The following HSPA12A variants were observed in gnomAD, a reference collection of about 807,000 sequenced individuals.
HSPA12A encodes the protein heat shock 70 kDa protein 12A.
HSPA12A carries 28 observed loss-of-function variants against 69.2 expected under a neutral mutation model. The observed-to-expected ratio is 0.40, with a 90% CI of 0.30 to 0.55. The LOEUF (loss-of-function observed/expected upper bound fraction) is 0.55, where lower values mean the gene tolerates loss of function less well. HSPA12A is among the 20% of genes least tolerant of loss of function. HSPA12A has a pLI of 0.38. For synonymous variants in HSPA12A, 345 were observed against 370.5 expected, an observed-to-expected ratio of 0.93 and a Z score of 0.79; for missense variants, 686 against 900.7, an observed-to-expected ratio of 0.76 and a Z score of 3.05.
intron 5 of HSPA12A, among the ~76,000 whole-genome samples, chr10:116,695,191 A>G (rs1270130550): frequency 6.6e-6 from 1 of 151,800 alleles, no homozygotes; most frequent in Non-Finnish European, 1.5e-5. Flanking sequence ...AACTGCCTCC[A>G]CACCACCGAC....
chr10:116,675,117 G>A lies in HSPA12A; in HGVS notation c.1692C>T (p.Cys564=). Residue 564 remains cysteine (C), a synonymous_variant, in exon 12 of 12, where the codon TGC becomes TGT. Transcript: ENST00000369209. This position sits in a 1 kb window ranked among gnomAD's most constrained non-coding sequence, Gnocchi z 5.2. ...AGATGAACTTGTCAAAGACGTCGGT[G>A]CACCACCGAGTGCCATCCTTCACCA... is the stretch of plus-strand genomic sequence containing the variant. ...KLLVKDGTRW[C]TDVFDKFISA... is the part of the protein sequence containing the mutation. 1 of 1,613,968 alleles carries A rather than the reference G, an allele frequency of 6.2e-7. No homozygotes were observed. Among genetic ancestry groups the A allele is most frequent in the Non-Finnish European group, 8.5e-7 (1 of 1,180,022 alleles).
intron 1 of HSPA12A, among the ~76,000 whole-genome samples, chr10:116,848,994 T>G: frequency 6.6e-6 from 1 of 152,132 alleles, no homozygotes; most frequent in East Asian, 1.9e-4. Context: ...TTAATAAACA[T>G]GAGCCGAATG....
rs1296250017 is a variant in HSPA12A at position 116,672,531 on chromosome 10, A to G, written c.*2250T>C. The G allele has an allele frequency of 6.6e-6, 1 of 152,404 alleles. No individual in the cohort carries two copies. The highest frequency in any genetic ancestry group is 1.5e-5 in the Non-Finnish European group (1 of 68,044). The allele number at this position is 152,404 out of a possible 1,614,324, so 9.4% of individuals were successfully genotyped here. A position where few individuals can be genotyped will look rare whatever the true frequency, so the allele number is the denominator to read the frequency against. Reference sequence around the variant, plus strand: ...CTGTCTATTGCTCGGTCTTGCGTACATAGTCCATAGCTTGGCATCAGCACA... The same window carrying G: ...CTGTCTATTGCTCGGTCTTGCGTACGTAGTCCATAGCTTGGCATCAGCACA... On this transcript the variant is annotated 3_prime_UTR_variant, in exon 12 of 12. Coordinates refer to ENST00000369209, the MANE Select transcript of HSPA12A (RefSeq NM_025015.3).
rs148247863 is a variant in HSPA12A, at chr10:116,774,304, C to T, written c.91+60631G>A. On this transcript the variant is annotated intron_variant, in intron 2 of 12. Coordinates refer to the HSPA12A transcript ENST00000635765. ...GATTACAGGCGTGAGCCACCGCGCC[C>T]GGCCGGCAAGGGCTTTTTTGAAATA... Among the ~76,000 whole-genome samples the T allele has an allele frequency of 4.9e-3, 751 of 152,246 alleles. 5 individuals are homozygous for T. The highest frequency in any genetic ancestry group is 0.017 in the African/African-American group (713 of 41,566).
At chr10:116,817,099 TC>T (rs1297891259) in intron 2 of HSPA12A, among the ~76,000 whole-genome samples, 4 of 152,254 alleles carry the variant, frequency 2.6e-5, no homozygotes, top group South Asian at 4.1e-4. Flanking sequence ...CTATACCCCT[TC>T]CCCCACCCCA....
intron 1 of HSPA12A, among the ~76,000 whole-genome samples, chr10:116,740,676 CTGTGTGTGTGT>C (rs1851468694): frequency 1.1e-5 from 1 of 92,164 alleles, no homozygotes; most frequent in Non-Finnish European, 2.4e-5. Context: ...GTGTGTGTGT[CTGTGTGTGTGT>C]GTGTGTGTGC....
At chr10:116,846,475 G>C (rs956516911) in intron 1 of HSPA12A, among the ~76,000 whole-genome samples, 1 of 151,606 alleles carries the variant, frequency 6.6e-6, no homozygotes. Context: ...TCAGCCTCCC[G>C]AGTAGCTGGG....
chr10:116,782,264 T>C (rs1401329709), intron 2 of HSPA12A, among the ~76,000 whole-genome samples: 3 of 152,186 alleles, frequency 2.0e-5, no homozygotes, highest in Non-Finnish European at 4.4e-5. Context: ...ACCGGGGATC[T>C]TTACACAAAG....
chr10:116,716,544 C>T (rs1850611218), intron 1 of HSPA12A, among the ~76,000 whole-genome samples: 1 of 152,110 alleles, frequency 6.6e-6, no homozygotes, highest in Admixed American at 6.5e-5. Context: ...CCAGGTTGGC[C>T]TTAGCATTGG....
At chr10:116,724,901 C>T (rs1304336871) in intron 1 of HSPA12A, among the ~76,000 whole-genome samples, 1 of 152,172 alleles carries the variant, frequency 6.6e-6, no homozygotes, top group Non-Finnish European at 1.5e-5. Context: ...CCAGTGACCA[C>T]CTGGCCCCCA....
intron 6 of HSPA12A, among the ~76,000 whole-genome samples, chr10:116,690,947 G>A (rs1030996782): frequency 3.3e-5 from 5 of 152,228 alleles, no homozygotes; most frequent in Non-Finnish European, 7.3e-5. Flanking sequence ...GCCAGGTGGC[G>A]TCTCTGCAGA....
intron 2 of HSPA12A, among the ~76,000 whole-genome samples, chr10:116,801,141 A>G (rs1844947202): frequency 6.6e-6 from 1 of 152,206 alleles, no homozygotes; most frequent in African/African-American, 2.4e-5. Context: ...AACACATCCT[A>G]TTTCCGGTCT....
upstream of HSPA12A, chr10:116,850,224 C>A (rs1846035519): frequency 4.5e-6 from 1 of 222,040 alleles, no homozygotes; most frequent in Non-Finnish European, 9.1e-6. Context: ...TGCCGGGATG[C>A]CAGTTAATAT....
intron 2 of HSPA12A, among the ~76,000 whole-genome samples, chr10:116,834,349 G>C (rs1845672570): frequency 6.6e-6 from 1 of 152,198 alleles, no homozygotes; most frequent in Non-Finnish European, 1.5e-5. Flanking sequence ...TGAACAGCCA[G>C]TGGCTTTCAA....
At chr10:116,840,432 T>C (rs1310286676) in intron 1 of HSPA12A, among the ~76,000 whole-genome samples, 1 of 152,196 alleles carries the variant, frequency 6.6e-6, no homozygotes, top group African/African-American at 2.4e-5. Context: ...TCCTTTGTTC[T>C]TACCCCAAAA....
At chr10:116,762,582 CT>C (rs1554889379) in intron 2 of HSPA12A, among the ~76,000 whole-genome samples, 5 of 151,976 alleles carry the variant, frequency 3.3e-5, no homozygotes, top group Admixed American at 2.0e-4. Context: ...TCCCCTTACT[CT>C]TTCTTTTTTT....
At chr10:116,817,073 G>C (rs919718104) in intron 2 of HSPA12A, among the ~76,000 whole-genome samples, 1 of 152,170 alleles carries the variant, frequency 6.6e-6, no homozygotes, top group African/African-American at 2.4e-5. Context: ...CAGAAAGAAA[G>C]AATCATTCTT....
intron 3 of HSPA12A, among the ~76,000 whole-genome samples, chr10:116,701,675 A>C (rs1375761595): frequency 6.6e-6 from 1 of 152,228 alleles, no homozygotes; most frequent in African/African-American, 2.4e-5. Flanking sequence ...GGAGGGAAGG[A>C]TACTCCAGGC....
chr10:116,783,714 C>A (rs988548543), intron 2 of HSPA12A, among the ~76,000 whole-genome samples: 4 of 152,164 alleles, frequency 2.6e-5, no homozygotes, highest in Admixed American at 2.6e-4. Flanking sequence ...AGTATACCAC[C>A]ATTTATGGGT....
Sources: allele counts gnomAD v4.1 joint callset (sites outside exome capture counted in the v4.1 genomes callset), GRCh38; gene constraint gnomAD v4.1.1; non-coding constraint Gnocchi (gnomAD v3.1); transcripts MANE v1.5; gene names NCBI Gene and HGNC (gene_info 2026-07-23, HGNC 2026-07-21).